NDUFS4: variants seen among roughly 807,000 people sequenced by gnomAD.
NDUFS4 encodes NADH:ubiquinone oxidoreductase subunit S4.
In NDUFS4, 28 loss-of-function variants were observed where a neutral mutation model predicts 24.3. The observed-to-expected ratio is 1.15, with a 90% CI of 0.85 to 1.58. The LOEUF is 1.58. NDUFS4 is among the 40% of genes most tolerant of loss of function. The pLI is 0.00. For synonymous variants in NDUFS4, 93 were observed against 69.7 expected (o/e 1.34, Z -1.67); for missense variants, 223 against 207.9 (o/e 1.07, Z -0.45).
At chr5:53,682,996 T>C (rs1437120302) in intron 4 of NDUFS4, 122 bp from the exon 5 acceptor site, 13 of 779,066 alleles carry the variant, frequency 1.7e-5, no homozygotes, top group Middle Eastern at 2.3e-4. Context: ...TGTGTTGACA[T>C]ATACTCTTGA....
At chr5:53,629,044 C>A (rs1198794680) in intron 2 of NDUFS4, among the ~76,000 whole-genome samples, 4 of 152,150 alleles carry the variant, frequency 2.6e-5, no homozygotes, top group African/African-American at 9.7e-5. Flanking sequence ...CTACACACTG[C>A]TTTAAATGTG....
chr5:53,605,243 A>G (rs1225702428), intron 2 of NDUFS4, among the ~76,000 whole-genome samples: 3 of 152,120 alleles, frequency 2.0e-5, no homozygotes, highest in Non-Finnish European at 4.4e-5. Flanking sequence ...AAAAGAAATG[A>G]GGCAGTTATG....
chr5:53,670,994 G>C (rs139736525), intron 4 of NDUFS4, among the ~76,000 whole-genome samples: 1 of 151,350 alleles, frequency 6.6e-6, no homozygotes, highest in Non-Finnish European at 1.5e-5. Flanking sequence ...TCTATATAGA[G>C]AGATAATATA....
At chr5:53,607,444 C>T (rs886482571) in intron 2 of NDUFS4, among the ~76,000 whole-genome samples, 1 of 151,964 alleles carries the variant, frequency 6.6e-6, no homozygotes, top group African/African-American at 2.4e-5. Context: ...TGCACATGTA[C>T]CTCTTGAATC....
chr5:53,661,817 G>C lies in NDUFS4; in HGVS notation c.424+3193G>C, dbSNP rs181081824. 7.2e-5 allele frequency among the ~76,000 whole-genome samples: 11 copies of C among 152,188 alleles called. No individual in the cohort carries two copies. In the East Asian group the frequency reaches 1.5e-3, roughly 21 times the overall value. On this transcript the variant is annotated intron_variant, in intron 4 of 4. Coordinates refer to ENST00000296684, the MANE Select transcript of NDUFS4 (RefSeq NM_002495.4). Reference sequence around the variant, plus strand: ...TTGGCTGTCTGTTAGTGGTGTATAAGAATGCTTGTGGTTTTTGCACATGGA... The same window carrying C: ...TTGGCTGTCTGTTAGTGGTGTATAACAATGCTTGTGGTTTTTGCACATGGA...
intron 1 of NDUFS4, among the ~76,000 whole-genome samples, chr5:53,569,472 C>T (rs1050151549): frequency 4.6e-5 from 7 of 151,988 alleles, no homozygotes; most frequent in African/African-American, 1.7e-4. Context: ...AGTTATAGTT[C>T]ATAGATTTAT....
At chr5:53,574,918 GA>G (rs1429478386) in intron 1 of NDUFS4, among the ~76,000 whole-genome samples, 3 of 152,026 alleles carry the variant, frequency 2.0e-5, no homozygotes, top group Non-Finnish European at 4.4e-5. Flanking sequence ...GACAGAGAGA[GA>G]AAAAAACAGA....
At chr5:53,659,975 A>G (rs537806733) in intron 4 of NDUFS4, among the ~76,000 whole-genome samples, 8 of 152,194 alleles carry the variant, frequency 5.3e-5, no homozygotes, top group Middle Eastern at 3.4e-3. Context: ...ATGATAGTAT[A>G]TAAGTATACC....
chr5:53,674,945 AT>A (rs1740408067), intron 4 of NDUFS4, among the ~76,000 whole-genome samples: 1 of 151,994 alleles, frequency 6.6e-6, no homozygotes, highest in Non-Finnish European at 1.5e-5. Context: ...GTTTGTCAAG[AT>A]TTACCTACAC....
intron 3 of NDUFS4, among the ~76,000 whole-genome samples, chr5:53,655,513 A>G (rs1229469485): frequency 2.0e-5 from 3 of 151,982 alleles, no homozygotes; most frequent in South Asian, 2.1e-4. Flanking sequence ...GTTTTTATGT[A>G]TAATACAGTA....
At chr5:53,581,017 G>C (rs28482779) in intron 1 of NDUFS4, among the ~76,000 whole-genome samples, 15 of 152,050 alleles carry the variant, frequency 9.9e-5, no homozygotes, top group Non-Finnish European at 1.6e-4. Context: ...AGTTTTAATA[G>C]AGATGGGGTT....
intron 2 of NDUFS4, among the ~76,000 whole-genome samples, chr5:53,631,846 G>A (rs1021487382): frequency 4.6e-5 from 7 of 152,136 alleles, no homozygotes; most frequent in African/African-American, 4.8e-5. Flanking sequence ...GCCAGGCACC[G>A]ATGGGAATCT....
In NDUFS4 at chr5:53,644,040, C is replaced by T. The variant is rs528962565; in HGVS notation, c.178-2193C>T. ...TTAAAAAAGGTTTTCTATATACTGTCCTTTCTACTTTGTAGCTCAAATACT... is the reference window on the plus strand; with the variant it reads ...TTAAAAAAGGTTTTCTATATACTGTTCTTTCTACTTTGTAGCTCAAATACT... On this transcript the variant is annotated intron_variant, in intron 2 of 4. Coordinates refer to ENST00000296684, the MANE Select transcript of NDUFS4 (RefSeq NM_002495.4). 1.2e-3 allele frequency among the ~76,000 whole-genome samples: 188 copies of T among 152,228 alleles called. 1 individual carries two copies. The Middle Eastern group carries it at 0.024, about 19-fold the overall frequency.
At chr5:53,639,905 ATG>A (rs1228994410) in intron 2 of NDUFS4, among the ~76,000 whole-genome samples, 2 of 152,154 alleles carry the variant, frequency 1.3e-5, no homozygotes, top group African/African-American at 4.8e-5. Flanking sequence ...CAGAAAAAGA[ATG>A]TAAGTTTTTT....
At chr5:53,681,447 A>C (rs921446472) in intron 4 of NDUFS4, among the ~76,000 whole-genome samples, 3 of 152,134 alleles carry the variant, frequency 2.0e-5, no homozygotes, top group Non-Finnish European at 4.4e-5. Flanking sequence ...CAAGACATGT[A>C]CTTTAATCCT....
intron 2 of NDUFS4, among the ~76,000 whole-genome samples, chr5:53,629,289 T>G (rs1751326861): frequency 6.6e-6 from 1 of 152,208 alleles, no homozygotes; most frequent in African/African-American, 2.4e-5. Context: ...GAGGAGTGTT[T>G]TACTTCTAAT....
intron 4 of NDUFS4, among the ~76,000 whole-genome samples, chr5:53,661,743 G>A (rs1287378195): frequency 6.6e-6 from 1 of 152,102 alleles, no homozygotes; most frequent in Non-Finnish European, 1.5e-5. Flanking sequence ...TGGATTCCTA[G>A]GTATTTTATT....
At chr5:53,626,651 A>T (rs1019475818) in intron 2 of NDUFS4, among the ~76,000 whole-genome samples, 2 of 152,136 alleles carry the variant, frequency 1.3e-5, no homozygotes, top group Non-Finnish European at 2.9e-5. Flanking sequence ...GCATTTTTTC[A>T]TAAGTTTGTT....
At chr5:53,583,364 G>A (rs1168245010) in intron 1 of NDUFS4, among the ~76,000 whole-genome samples, 4 of 152,078 alleles carry the variant, frequency 2.6e-5, no homozygotes, top group Non-Finnish European at 2.9e-5. Context: ...GTGGAGTCCT[G>A]TCAGAAAGAC....
Sources: gnomAD v4.1 joint callset for allele counts (sites outside exome capture counted in the v4.1 genomes callset) on GRCh38, gnomAD v4.1.1 for gene constraint, MANE v1.5 for transcripts, NCBI Gene and HGNC (gene_info 2026-07-23, HGNC 2026-07-21) for gene names.